Variants in PRICKLE2 observed in about 807,000 individuals in gnomAD.
PRICKLE2 encodes prickle planar cell polarity protein 2.
PRICKLE2 carries 21 observed loss-of-function variants against 81.4 expected under a neutral mutation model. The ratio of observed to expected loss-of-function variants is 0.26; its 90% confidence interval spans 0.18 to 0.37. PRICKLE2 has a LOEUF of 0.37. Among genes scored for constraint, PRICKLE2 ranks in the 10% least tolerant of loss-of-function variants. The pLI is 1.00. For synonymous variants in PRICKLE2, 456 were observed against 421.5 expected (o/e 1.08, Z -1.00); for missense variants, 940 against 1,109.0 (o/e 0.85, Z 2.16).
At chr3:64,131,531 GTTTACT>G (rs977368059) in intron 7 of PRICKLE2, among the ~76,000 whole-genome samples, 21 of 152,196 alleles carry the variant, frequency 1.4e-4, no homozygotes, top group African/African-American at 5.1e-4. Context: ...AAGGCTTACT[GTTTACT>G]TAAGGAAAGG....
chr3:64,092,574 C>T lies in PRICKLE2; in HGVS notation c.*6477G>A, dbSNP rs2076522731. On this transcript the variant is annotated 3_prime_UTR_variant, in exon 8 of 8. Transcript: ENST00000638394. Reference sequence around the variant, plus strand: ...ATCAGACACGGGGAAATTGAATTTACATGCTGCCTTGGTCCTGGCTCCCAG... The same window carrying T: ...ATCAGACACGGGGAAATTGAATTTATATGCTGCCTTGGTCCTGGCTCCCAG... The T allele has an allele frequency of 6.6e-6, 1 of 152,244 alleles. No individual in the cohort carries two copies. Among genetic ancestry groups the T allele is most frequent in the African/African-American group, 2.4e-5 (1 of 41,452 alleles). The allele number at this position is 152,244 out of a possible 1,614,324, so 9.4% of individuals were successfully genotyped here.
intron 7 of PRICKLE2, among the ~76,000 whole-genome samples, chr3:64,114,065 C>G (rs566098815): frequency 1.3e-5 from 2 of 152,102 alleles, no homozygotes; most frequent in South Asian, 4.1e-4. Flanking sequence ...CAATACAAGT[C>G]CCCCAGAGTA....
At chr3:64,135,670 A>C (rs2077266385) in intron 7 of PRICKLE2, among the ~76,000 whole-genome samples, 1 of 149,848 alleles carries the variant, frequency 6.7e-6, no homozygotes, top group African/African-American at 2.5e-5. Context: ...TTCCTGGCAG[A>C]ACAGGACGAG....
At chr3:64,151,366 A>G (rs1336700405) in intron 6 of PRICKLE2, among the ~76,000 whole-genome samples, 2 of 152,238 alleles carry the variant, frequency 1.3e-5, no homozygotes, top group Non-Finnish European at 2.9e-5. Context: ...AATGGATTTA[A>G]TAGGAAAGGA....
At chr3:64,260,671 T>C (rs1194932448) in intron 2 of PRICKLE2, among the ~76,000 whole-genome samples, 1 of 152,202 alleles carries the variant, frequency 6.6e-6, no homozygotes, top group Non-Finnish European at 1.5e-5. Context: ...CCAATATCTG[T>C]TGATGTTTTT....
chr3:64,197,516 T>C (rs1488117776), intron 2 of PRICKLE2, among the ~76,000 whole-genome samples: 3 of 152,178 alleles, frequency 2.0e-5, no homozygotes, highest in African/African-American at 4.8e-5. Context: ...TAGAATACTA[T>C]GCAGCCATAA....
chr3:64,170,798 C>T (rs555781295), intron 2 of PRICKLE2, among the ~76,000 whole-genome samples: 37 of 151,782 alleles, frequency 2.4e-4, no homozygotes, highest in African/African-American at 8.7e-4. Flanking sequence ...TCACTTGAGT[C>T]TGGGAGGTTG....
At chr3:64,217,251 A>T (rs1190475531) in intron 1 of PRICKLE2, among the ~76,000 whole-genome samples, 1 of 152,230 alleles carries the variant, frequency 6.6e-6, no homozygotes, top group Admixed American at 6.5e-5. Flanking sequence ...TAAGGTATTA[A>T]TCAGAATAAA....
At chr3:64,212,641 G>A (rs1457990834) in intron 1 of PRICKLE2, among the ~76,000 whole-genome samples, 1 of 152,118 alleles carries the variant, frequency 6.6e-6, no homozygotes, top group African/African-American at 2.4e-5. Context: ...CAGTGGGTTA[G>A]GATCTTAGAT....
In PRICKLE2 at chr3:64,099,359, C is replaced by T. The variant is rs1373761533; in HGVS notation, c.2227G>A (p.Asp743Asn). The change falls in exon 8 of 8, where the codon GAC becomes AAC. Residue 743 changes from aspartate (D) to asparagine (N), a missense_variant. Physicochemically the swap from Asp to Asn is conservative, Grantham distance 23. Transcript: ENST00000638394. This position sits in a 1 kb window ranked among gnomAD's most constrained non-coding sequence, Gnocchi z 4.3. ...GTCCTAGGGCACTGGCCGTACAGGT[C>T]CCTCCGGGACCCATGCCCCATGCTC... ...QESMGHGSRRDLYGQCPRTVS... is the reference protein window; with the variant it reads ...QESMGHGSRRNLYGQCPRTVS... 6 of 1,612,346 alleles carry T rather than the reference C, an allele frequency of 3.7e-6. No individual in the cohort carries two copies. Among genetic ancestry groups the T allele is most frequent in the Non-Finnish European group, 5.1e-6 (6 of 1,178,532 alleles).
chr3:64,237,252 G>T (rs2079196264), intron 2 of PRICKLE2, among the ~76,000 whole-genome samples: 2 of 152,192 alleles, frequency 1.3e-5, no homozygotes, highest in African/African-American at 4.8e-5. Context: ...GAGGGTCAGT[G>T]TGACAGCCTG....
At chr3:64,155,328 A>G (rs370201784) in intron 5 of PRICKLE2, among the ~76,000 whole-genome samples, 1 of 151,646 alleles carries the variant, frequency 6.6e-6, no homozygotes, top group East Asian at 1.9e-4. Context: ...CAAAACCTCA[A>G]TGTGATACTA....
chr3:64,244,021 C>T (rs535773021), intron 2 of PRICKLE2, among the ~76,000 whole-genome samples: 1 of 152,298 alleles, frequency 6.6e-6, no homozygotes, highest in South Asian at 2.1e-4. Context: ...AAAGTTGCAT[C>T]TTTCAGGGAA....
intron 7 of PRICKLE2, among the ~76,000 whole-genome samples, chr3:64,129,731 G>A (rs1358771584): frequency 2.0e-5 from 3 of 152,148 alleles, no homozygotes; most frequent in East Asian, 1.9e-4. Flanking sequence ...CGGCTTTAAT[G>A]TATAATCAGA....
At chr3:64,117,239 C>A (rs1032401437) in intron 7 of PRICKLE2, among the ~76,000 whole-genome samples, 8 of 152,120 alleles carry the variant, frequency 5.3e-5, no homozygotes, top group African/African-American at 1.4e-4. Context: ...CCCATAGCCA[C>A]CACCATACTG....
At chr3:64,114,873 G>A (rs1242650656) in intron 7 of PRICKLE2, among the ~76,000 whole-genome samples, 2 of 151,924 alleles carry the variant, frequency 1.3e-5, no homozygotes, top group African/African-American at 4.8e-5. Flanking sequence ...TTCAAAAGAA[G>A]ATTATCCCCA....
At chr3:64,119,841 T>C (rs1002853125) in intron 7 of PRICKLE2, among the ~76,000 whole-genome samples, 1 of 152,046 alleles carries the variant, frequency 6.6e-6, no homozygotes, top group Non-Finnish European at 1.5e-5. Context: ...ATAAAGAAAA[T>C]GTGGGGCATG....
chr3:64,221,420 TACACAC>T lies in PRICKLE2; in HGVS notation c.-41+3484_-41+3489del, dbSNP rs71808412. On this transcript the variant is annotated intron_variant, in intron 1 of 7. Coordinates refer to ENST00000638394, the MANE Select transcript of PRICKLE2 (RefSeq NM_198859.4). The stretch of plus-strand genomic sequence containing the variant: ...GAGATCTTCACCCCTGCTTGATTCA[TACACAC>T]ACACACACACACACACACACACACA... 6.8e-3 allele frequency among the ~76,000 whole-genome samples: 982 copies of T among 143,876 alleles called. 5 individuals carry two copies. The highest frequency in any genetic ancestry group is 0.015 in the South Asian group (64 of 4,404). The allele number at this position is 143,876 out of a possible 152,430, so 94.4% of individuals were successfully genotyped here.
intron 2 of PRICKLE2, among the ~76,000 whole-genome samples, chr3:64,193,252 T>A (rs697280): frequency 6.6e-6 from 1 of 152,040 alleles, no homozygotes; most frequent in African/African-American, 2.4e-5. Flanking sequence ...TGATGGTATC[T>A]TGGCATTTGA....
Sources: allele counts gnomAD v4.1 joint callset (sites outside exome capture counted in the v4.1 genomes callset), GRCh38; gene constraint gnomAD v4.1.1; non-coding constraint Gnocchi (gnomAD v3.1); transcripts MANE v1.5; gene names NCBI Gene and HGNC (gene_info 2026-07-23, HGNC 2026-07-21).